The following KCNQ1 variants were observed in gnomAD, a reference collection of about 807,000 sequenced individuals.
The protein encoded by KCNQ1 is potassium voltage-gated channel subfamily Q member 1, also known as potassium voltage-gated channel subfamily KQT member 1.
Under a neutral mutation model 72.4 loss-of-function variants are expected in KCNQ1, and 49 were observed. That is an observed-to-expected ratio of 0.68 (90% CI 0.54 to 0.86). The LOEUF is 0.86. KCNQ1 is among the 40% of genes least tolerant of loss of function. The pLI is 0.00. For synonymous variants in KCNQ1, 450 were observed against 412.6 expected (o/e 1.09, Z -1.10); for missense variants, 790 against 945.1 (o/e 0.84, Z 2.15).
chr11:2,456,370 A>G (rs1225927088), intron 1 of KCNQ1, among the ~76,000 whole-genome samples: 1 of 152,214 alleles, frequency 6.6e-6, no homozygotes, highest in African/African-American at 2.4e-5. Flanking sequence ...TCCTGGAAGA[A>G]AATAGTCTTC....
intron 15 of KCNQ1, among the ~76,000 whole-genome samples, chr11:2,796,459 C>T (rs1847133784): frequency 6.6e-6 from 1 of 152,250 alleles, no homozygotes. Flanking sequence ...CCACCTTCAG[C>T]CTTTATACCC....
chr11:2,471,753 T>C lies in KCNQ1; in HGVS notation c.386+26269T>C, dbSNP rs560811095. On this transcript the variant is annotated intron_variant, in intron 1 of 15. Coordinates refer to ENST00000155840, the MANE Select transcript of KCNQ1 (RefSeq NM_000218.3). The surrounding 1 kb of genome is among the most constrained non-coding windows in gnomAD (Gnocchi z 4.8). ...GTGTGTATGTGTGCATGGGCGTGTGTGTACTTGTGTATGGGTGTGTGCATG... is the reference window on the plus strand; with the variant it reads ...GTGTGTATGTGTGCATGGGCGTGTGCGTACTTGTGTATGGGTGTGTGCATG... Among the ~76,000 whole-genome samples, 17 of 151,794 alleles carry C rather than the reference T, an allele frequency of 1.1e-4. No homozygotes were observed. The East Asian group carries it at 3.3e-3, about 29-fold the overall frequency.
Position 2,664,189 on chromosome 11 carries a change from T to A in KCNQ1, c.1514+2108T>A, listed in dbSNP as rs923469016. The A allele has an allele frequency of 7.5e-6, 3 of 398,394 alleles. No homozygotes were observed. Among genetic ancestry groups the A allele is most frequent in the African/African-American group, 4.1e-5 (2 of 48,542 alleles). 24.7% of individuals were successfully genotyped at this position (398,394 alleles called of 1,614,324 possible). ...AGTGGCTGCTAGATATGAGCCAGCC[T>A]GGGAAGGCAGGAAGGAGCCCAGGCA... On this transcript the variant is annotated intron_variant, in intron 11 of 15. Coordinates refer to ENST00000155840, the MANE Select transcript of KCNQ1 (RefSeq NM_000218.3). This position sits in a 1 kb window ranked among gnomAD's most constrained non-coding sequence, Gnocchi z 5.1.
chr11:2,656,447 G>A (rs1410124600), intron 10 of KCNQ1: 1 of 398,558 alleles, frequency 2.5e-6, no homozygotes, highest in African/African-American at 2.1e-5. Context: ...ACTAAGTAAT[G>A]TCTGTGTGGT....
At chr11:2,540,057 G>T (rs1216934940) in intron 2 of KCNQ1, among the ~76,000 whole-genome samples, 2 of 152,092 alleles carry the variant, frequency 1.3e-5, no homozygotes, top group South Asian at 2.1e-4. Context: ...CTCCTAGGGG[G>T]CTGCTAGGGA....
At chr11:2,770,651 CA>C (rs1481766194) in intron 12 of KCNQ1, among the ~76,000 whole-genome samples, 2 of 152,352 alleles carry the variant, frequency 1.3e-5, no homozygotes, top group African/African-American at 4.8e-5. Flanking sequence ...CTCTTGCAGT[CA>C]AAATAAAAGC....
At chr11:2,490,692 A>C (rs1846822711) in intron 1 of KCNQ1, among the ~76,000 whole-genome samples, 1 of 152,076 alleles carries the variant, frequency 6.6e-6, no homozygotes. Flanking sequence ...TATTTTTTTT[A>C]ATATTTATTT....
At chr11:2,650,203 T>G in intron 10 of KCNQ1, 1 of 398,542 alleles carries the variant, frequency 2.5e-6, no homozygotes, top group East Asian at 3.6e-5. Flanking sequence ...TCCTGATATG[T>G]TTGTATTGTC....
chr11:2,623,775 G>C lies in KCNQ1; in HGVS notation c.1393+34921G>C, dbSNP rs1221714610. The C allele has an allele frequency of 2.5e-6, 1 of 398,304 alleles. No individual in the cohort carries two copies. Among genetic ancestry groups the C allele is most frequent in the African/African-American group, 2.1e-5 (1 of 48,580 alleles). The allele number at this position is 398,304 out of a possible 1,614,324, so 24.7% of individuals were successfully genotyped here. A position where few individuals can be genotyped will look rare whatever the true frequency, so the allele number is the denominator to read the frequency against. On this transcript the variant is annotated intron_variant, in intron 10 of 15. Transcript: ENST00000155840. The surrounding 1 kb of genome is among the most constrained non-coding windows in gnomAD (Gnocchi z 5.2). The stretch of plus-strand genomic sequence containing the variant: ...GTGAATATAAGTCTTCACCTCCTTT[G>C]AGTAAATACCAAGGATGTGATTGCT...
At chr11:2,499,584 A>G (rs1239736000) in intron 1 of KCNQ1, among the ~76,000 whole-genome samples, 1 of 151,286 alleles carries the variant, frequency 6.6e-6, no homozygotes, top group Non-Finnish European at 1.5e-5. Context: ...TTCAACCTAT[A>G]AAAATACACA....
Position 2,712,519 on chromosome 11 carries a change from G to A in KCNQ1, c.1514+50438G>A, listed in dbSNP as rs1294339585. ...GTGGAGATCTCGCCCACATATTCCC[G>A]AAGCCACCAGGCCAGACACCGCCCC... On this transcript the variant is annotated intron_variant, in intron 11 of 15. Transcript: ENST00000155840. This position sits in a 1 kb window ranked among gnomAD's most constrained non-coding sequence, Gnocchi z 6.4. Among the ~76,000 whole-genome samples the A allele has an allele frequency of 1.6e-5, 2 of 125,626 alleles. No homozygotes were observed. Among genetic ancestry groups the A allele is most frequent in the African/African-American group, 3.0e-5 (1 of 33,062 alleles). The allele number at this position is 125,626 out of a possible 152,430, so 82.4% of individuals were successfully genotyped here.
In KCNQ1 at chr11:2,572,965, A is replaced by G; in HGVS notation, c.900A>G (p.Ala300=). The G allele has an allele frequency of 1.2e-6, 2 of 1,613,718 alleles. No homozygotes were observed. Among genetic ancestry groups the G allele is most frequent in the South Asian group, 1.1e-5 (1 of 91,080 alleles). The change falls in exon 6 of 16, where the codon GCA becomes GCG. Residue 300 remains alanine, a synonymous_variant. Transcript: ENST00000155840. The part of the protein sequence containing the change: ...ESGRVEFGSY[A]DALWWGVVTV... ...GCCGCGTGGAGTTCGGCAGCTACGC[A>G]GATGCGCTGTGGTGGGGGGTGGTAA... is the stretch of plus-strand genomic sequence containing the variant.
chr11:2,698,901 A>C lies in KCNQ1; in HGVS notation c.1514+36820A>C. On this transcript the variant is annotated intron_variant, in intron 11 of 15. Coordinates refer to ENST00000155840, the MANE Select transcript of KCNQ1 (RefSeq NM_000218.3). This position sits in a 1 kb window ranked among gnomAD's most constrained non-coding sequence, Gnocchi z 5.1. ...ACTACTCAGATCCCAACTCAGGCAA[A>C]CTCCCAGCCAGGATGTGGACCCTAG... 2.5e-6 allele frequency: 1 copy of C among 398,670 alleles called. No individual in the cohort carries two copies. The highest frequency in any genetic ancestry group is 4.4e-6 in the Non-Finnish European group (1 of 226,162). The allele number at this position is 398,670 out of a possible 1,614,324, so 24.7% of individuals were successfully genotyped here.
At chr11:2,449,384 G>C (rs896875696) in intron 1 of KCNQ1, among the ~76,000 whole-genome samples, 8 of 152,198 alleles carry the variant, frequency 5.3e-5, no homozygotes, top group African/African-American at 1.7e-4. Context: ...TTGTGTCACA[G>C]GGCCGGGTCT....
intron 11 of KCNQ1, among the ~76,000 whole-genome samples, chr11:2,705,361 G>C (rs1717763363): frequency 1.3e-5 from 2 of 152,154 alleles, no homozygotes; most frequent in South Asian, 4.1e-4. Context: ...TTTGGGCATT[G>C]CTCAGCCAAG....
intron 6 of KCNQ1, among the ~76,000 whole-genome samples, chr11:2,580,901 G>A (rs888520477): frequency 2.0e-4 from 31 of 152,354 alleles, no homozygotes; most frequent in Admixed American, 1.7e-3. Context: ...CCAGGCAGAC[G>A]GTGCTGAGAG....
chr11:2,703,719 A>C lies in KCNQ1; in HGVS notation c.1514+41638A>C, dbSNP rs1350425526. ...TCTGCAGTGCAAGGCAGGAGAAAGA[A>C]CTGCTGTGGGAGCCCCTCACCCAAG... On this transcript the variant is annotated intron_variant, in intron 11 of 15. Coordinates refer to ENST00000155840, the MANE Select transcript of KCNQ1 (RefSeq NM_000218.3). The surrounding 1 kb of genome is among the most constrained non-coding windows in gnomAD (Gnocchi z 6.4). 6.6e-6 allele frequency among the ~76,000 whole-genome samples: 1 copy of C among 152,180 alleles called. No homozygotes were observed. The highest frequency in any genetic ancestry group is 1.5e-5 in the Non-Finnish European group (1 of 68,024).
Position 2,643,811 on chromosome 11 carries a change from T to G in KCNQ1, c.1394-18150T>G, listed in dbSNP as rs184076045. Reference sequence around the variant, plus strand: ...AATTAATTCCCTGAGCTTTTACTTTTAAGGGAAATACTTTATTTCTCCTTC... The same window carrying G: ...AATTAATTCCCTGAGCTTTTACTTTGAAGGGAAATACTTTATTTCTCCTTC... On this transcript the variant is annotated intron_variant, in intron 10 of 15. Coordinates refer to ENST00000155840, the MANE Select transcript of KCNQ1 (RefSeq NM_000218.3). The G allele has an allele frequency of 1.8e-3, 702 of 398,614 alleles. No homozygotes were observed. The highest frequency in any genetic ancestry group is 3.4e-3 in the Admixed American group (77 of 22,742). The allele number at this position is 398,614 out of a possible 1,614,324, so 24.7% of individuals were successfully genotyped here. A position where few individuals can be genotyped will look rare whatever the true frequency, so the allele number is the denominator to read the frequency against.
chr11:2,634,050 T>C (rs1467843838), intron 10 of KCNQ1: 1 of 398,586 alleles, frequency 2.5e-6, no homozygotes, highest in Non-Finnish European at 4.4e-6. Context: ...CTGCTCAGTA[T>C]TGTTTGTCCT....
Sources: allele counts gnomAD v4.1 joint callset (sites outside exome capture counted in the v4.1 genomes callset), GRCh38; gene constraint gnomAD v4.1.1; non-coding constraint Gnocchi (gnomAD v3.1); transcripts MANE v1.5; gene names NCBI Gene and HGNC (gene_info 2026-07-23, HGNC 2026-07-21).